LIX1L: variants seen among roughly 807,000 people sequenced by gnomAD.
LIX1L encodes the protein LIX1-like protein.
A neutral mutation model predicts 34.0 loss-of-function variants in LIX1L; 20 were observed. The observed-to-expected ratio is 0.59, with a 90% confidence interval of 0.41 to 0.85. LIX1L has a LOEUF of 0.85. Among genes scored for constraint, LIX1L ranks in the 40% least tolerant of loss-of-function variants. The pLI is 0.00. For missense variants in LIX1L, 397 were observed against 447.0 expected (o/e 0.89, Z 1.01); for synonymous variants, 170 against 187.4 (o/e 0.91, Z 0.76).
intron 2 of LIX1L, among the ~76,000 whole-genome samples, chr1:145,946,775 A>C (rs1553759293): frequency 6.6e-6 from 1 of 152,236 alleles, no homozygotes; most frequent in African/African-American, 2.4e-5. Context: ...GGGAAGTTCA[A>C]GGTGCTATGC....
intron 1 of LIX1L, among the ~76,000 whole-genome samples, chr1:145,955,562 G>A (rs1188315474): frequency 2.0e-5 from 3 of 152,184 alleles, no homozygotes; most frequent in Admixed American, 1.3e-4. Flanking sequence ...AGTCACAAGG[G>A]TATGTGAATA....
chr1:145,952,886 C>T (rs1649349385), intron 1 of LIX1L, among the ~76,000 whole-genome samples: 1 of 152,128 alleles, frequency 6.6e-6, no homozygotes, highest in African/African-American at 2.4e-5. Context: ...GCTGGGATTA[C>T]AGGTGTGAGT....
Position 145,937,657 on chromosome 1 carries a change from C to T in LIX1L, c.640G>A (p.Ala214Thr). The part of the protein sequence containing the change: ...EADNPNTGIG[A>T]FRFMLESNKG... ...TTGGATTCCAGCATGAATCGGAAGG[C>T]ACCAATCCCTGTATTTGGGTTGTCA... The change falls in exon 4 of 6, where the codon GCC (alanine) becomes ACC (threonine). Residue 214 changes from alanine (A) to threonine (T), a missense_variant. Ala to Thr is a moderately conservative substitution (Grantham distance 58, BLOSUM62 0). Coordinates refer to ENST00000604000, the MANE Select transcript of LIX1L (RefSeq NM_153713.3). The T allele has an allele frequency of 6.2e-7, 1 of 1,613,768 alleles. No individual in the cohort carries two copies. Among genetic ancestry groups the T allele is most frequent in the Non-Finnish European group, 8.5e-7 (1 of 1,179,790 alleles).
chr1:145,936,883 C>T (rs782337134), intron 5 of LIX1L, 25 bp downstream of exon 5: 22 of 1,500,552 alleles, frequency 1.5e-5, no homozygotes, highest in East Asian at 2.3e-5. Context: ...TCCCCTCATT[C>T]GCCCCCACTC....
intron 1 of LIX1L, among the ~76,000 whole-genome samples, chr1:145,957,407 G>C (rs1174243114): frequency 4.6e-5 from 7 of 152,204 alleles, no homozygotes; most frequent in African/African-American, 1.7e-4. Context: ...GATTGTATCT[G>C]AAAAAGAGTC....
chr1:145,937,770 G>A (rs1648718229), intron 3 of LIX1L, 71 bp from the exon 4 acceptor site: 3 of 901,754 alleles, frequency 3.3e-6, no homozygotes, highest in Non-Finnish European at 1.8e-6. Context: ...GCACTGTCCA[G>A]TAGAAATATA....
At chr1:145,938,079 G>T (rs1648733531) in intron 3 of LIX1L, among the ~76,000 whole-genome samples, 2 of 150,788 alleles carry the variant, frequency 1.3e-5, no homozygotes, top group African/African-American at 4.9e-5. Flanking sequence ...CAGAGATCGG[G>T]CTACTGCACT....
chr1:145,939,764 A>G (rs1648822624), intron 3 of LIX1L: 1 of 150,208 alleles, frequency 6.7e-6, no homozygotes, highest in Non-Finnish European at 1.5e-5. Flanking sequence ...CAGACCCCCA[A>G]GTAGCTGGGA....
chr1:145,955,247 T>G (rs1306835846), intron 1 of LIX1L, among the ~76,000 whole-genome samples: 6 of 152,194 alleles, frequency 3.9e-5, no homozygotes, highest in African/African-American at 1.4e-4. Flanking sequence ...AATACTGAGC[T>G]GTGTGTGTAT....
chr1:145,954,061 T>TAA (rs782203618), intron 1 of LIX1L, among the ~76,000 whole-genome samples: 3 of 140,574 alleles, frequency 2.1e-5, no homozygotes, highest in South Asian at 2.3e-4. Context: ...TTCCATTTCT[T>TAA]AAAAAAAAAA....
intron 1 of LIX1L, 117 bp downstream of exon 1, chr1:145,957,519 C>T: frequency 1.5e-6 from 2 of 1,305,786 alleles, no homozygotes; most frequent in Non-Finnish European, 1.9e-6. Flanking sequence ...CAGAAGGAAA[C>T]TCCCCAAAAG....
At chr1:145,940,717 A>ATTTTT (rs782462548) in intron 3 of LIX1L, among the ~76,000 whole-genome samples, 1 of 136,342 alleles carries the variant, frequency 7.3e-6, no homozygotes, top group Non-Finnish European at 1.6e-5. Flanking sequence ...CACCTGGCTA[A>ATTTTT]TTTTTTTTTT....
chr1:145,951,906 T>C lies in LIX1L; in HGVS notation c.293-4124A>G, dbSNP rs189654079. Among the ~76,000 whole-genome samples the C allele has an allele frequency of 3.6e-3, 555 of 152,348 alleles. 4 individuals are homozygous for C. The highest frequency in any genetic ancestry group is 4.4e-3 in the Non-Finnish European group (300 of 68,032). ...GACTAGAGAATCATTTTTTAATGAT[T>C]ACTCAAGGCCAAGGGACATGGGGAG... is the stretch of plus-strand genomic sequence containing the variant. On this transcript the variant is annotated intron_variant, in intron 1 of 5. Coordinates refer to ENST00000604000, the MANE Select transcript of LIX1L (RefSeq NM_153713.3).
In LIX1L at chr1:145,935,411, A is replaced by T. The variant is rs1553757618; in HGVS notation, c.*899T>A. The T allele has an allele frequency of 6.5e-6, 1 of 152,800 alleles. No individual in the cohort carries two copies. The highest frequency in any genetic ancestry group is 2.4e-5 in the African/African-American group (1 of 41,526). The allele number at this position is 152,800 out of a possible 1,614,324, so 9.5% of individuals were successfully genotyped here. A position where few individuals can be genotyped will look rare whatever the true frequency, so the allele number is the denominator to read the frequency against. On this transcript the variant is annotated 3_prime_UTR_variant, in exon 6 of 6. Transcript: ENST00000604000. ...GAATAAGGGGAACATGGTTCTCACT[A>T]ACCAAATAGGACTGATAACGCTTCC...
Position 145,935,246 on chromosome 1 carries a change from G to A in LIX1L, c.*1064C>T, listed in dbSNP as rs1648594827. 1 of 151,686 alleles carries A rather than the reference G, an allele frequency of 6.6e-6. No homozygotes were observed. The allele number at this position is 151,686 out of a possible 1,614,324, so 9.4% of individuals were successfully genotyped here. On this transcript the variant is annotated 3_prime_UTR_variant, in exon 6 of 6. Transcript: ENST00000604000. ...TTCCCTTCCTGCAGTCTCCCAAGGT[G>A]TCAATTAGGAAGTGCCAAAATACTA...
At chr1:145,952,232 T>G (rs587689080) in intron 1 of LIX1L, among the ~76,000 whole-genome samples, 2 of 152,314 alleles carry the variant, frequency 1.3e-5, no homozygotes, top group East Asian at 3.9e-4. Context: ...TCATGGAGGT[T>G]CACAAGCTTC....
At chr1:145,944,498 T>G (rs1649032628) in intron 2 of LIX1L, 1 of 152,246 alleles carries the variant, frequency 6.6e-6, no homozygotes, top group Non-Finnish European at 1.5e-5. Flanking sequence ...GTCTTCCCAG[T>G]GCTTCAATTT....
intron 3 of LIX1L, chr1:145,942,046 G>T (rs1648940396): frequency 6.6e-6 from 1 of 152,062 alleles, no homozygotes; most frequent in South Asian, 2.1e-4. Flanking sequence ...ACCATGCCCG[G>T]CTATTTTTTT....
intron 1 of LIX1L, among the ~76,000 whole-genome samples, chr1:145,955,478 T>C (rs1008683023): frequency 6.6e-6 from 1 of 152,218 alleles, no homozygotes; most frequent in Non-Finnish European, 1.5e-5. Context: ...GATGAGGGAA[T>C]GAATTGTCTA....
Sources: gnomAD v4.1 joint callset for allele counts (sites outside exome capture counted in the v4.1 genomes callset) on GRCh38, gnomAD v4.1.1 for gene constraint, MANE v1.5 for transcripts, NCBI Gene and HGNC (gene_info 2026-07-23, HGNC 2026-07-21) for gene names.